The following ADCY8 variants were observed in gnomAD, a reference collection of about 807,000 sequenced individuals.
ADCY8 encodes the protein adenylate cyclase type 8.
A neutral mutation model predicts 119.7 loss-of-function variants in ADCY8; 51 were observed. That is an observed-to-expected ratio of 0.43 (90% CI 0.34 to 0.54). The LOEUF (loss-of-function observed/expected upper bound fraction) is 0.54, where lower values mean the gene tolerates loss of function less well. Among genes scored for constraint, ADCY8 ranks in the 20% least tolerant of loss-of-function variants. ADCY8 has a pLI of 0.03. For synonymous variants in ADCY8, 665 were observed against 651.0 expected (o/e 1.02, Z -0.33); for missense variants, 1,383 against 1,598.8 (o/e 0.87, Z 2.30).
intron 15 of ADCY8, among the ~76,000 whole-genome samples, chr8:130,786,309 T>C (rs1815246711): frequency 6.6e-6 from 1 of 152,176 alleles, no homozygotes; most frequent in African/African-American, 2.4e-5. Flanking sequence ...TCCTGGGACA[T>C]TTCCTTTACC....
Position 131,040,483 on chromosome 8 carries a change from C to T in ADCY8, c.-150G>A. The T allele has an allele frequency of 3.0e-6, 3 of 1,002,848 alleles. No homozygotes were observed. The highest frequency in any genetic ancestry group is 3.1e-5 in the East Asian group (1 of 32,566). The allele number at this position is 1,002,848 out of a possible 1,614,324, so 62.1% of individuals were successfully genotyped here. On this transcript the variant is annotated 5_prime_UTR_variant, in exon 1 of 18. Transcript: ENST00000286355. Reference sequence around the variant, plus strand: ...TTGCAGGAGCCCTGCGCTAGGGCTCCCTGTAGGTCGGGTCATACTGTGCCC... The same window carrying T: ...TTGCAGGAGCCCTGCGCTAGGGCTCTCTGTAGGTCGGGTCATACTGTGCCC...
At chr8:130,910,048 G>A (rs1246167868) in intron 5 of ADCY8, among the ~76,000 whole-genome samples, 182 bp from the exon 6 acceptor site, 1 of 150,146 alleles carries the variant, frequency 6.7e-6, no homozygotes, top group Non-Finnish European at 1.5e-5. Flanking sequence ...CCTCAGCCTT[G>A]ATGGTCTCGA....
chr8:130,937,620 C>T (rs1820827333), intron 4 of ADCY8, among the ~76,000 whole-genome samples: 1 of 152,196 alleles, frequency 6.6e-6, no homozygotes, highest in Non-Finnish European at 1.5e-5. Flanking sequence ...ATAGTAAGCA[C>T]TTAAAAATGT....
chr8:130,807,983 C>CAAAAAAAAAAAAAAAAA (rs752321769), intron 14 of ADCY8, among the ~76,000 whole-genome samples: 1 of 47,238 alleles, frequency 2.1e-5, no homozygotes, highest in East Asian at 1.9e-3. Flanking sequence ...GACTCCGTCT[C>CAAAAAAAAAAAAAAAAA]AAAAAAAAAA....
At chr8:130,809,325 C>T (rs558317878) in intron 14 of ADCY8, among the ~76,000 whole-genome samples, 2 of 152,284 alleles carry the variant, frequency 1.3e-5, no homozygotes, top group East Asian at 3.9e-4. Flanking sequence ...TCAGTTTCTT[C>T]ATCTAGAAAA....
intron 14 of ADCY8, among the ~76,000 whole-genome samples, chr8:130,805,330 T>C (rs1815912941): frequency 6.6e-6 from 1 of 152,164 alleles, no homozygotes; most frequent in South Asian, 2.1e-4. Context: ...GAGCTGAAAT[T>C]TGTACTGCTA....
intron 17 of ADCY8, among the ~76,000 whole-genome samples, chr8:130,781,786 A>G (rs1325340954): frequency 6.6e-6 from 1 of 152,208 alleles, no homozygotes; most frequent in African/African-American, 2.4e-5. Context: ...GGAAGCATAG[A>G]ATTCTAGAAA....
chr8:130,910,743 C>T (rs547930191), intron 5 of ADCY8, among the ~76,000 whole-genome samples: 78 of 152,262 alleles, frequency 5.1e-4, no homozygotes, highest in Middle Eastern at 6.8e-3. Context: ...TCTGGTCATC[C>T]TCTGACTGTA....
intron 2 of ADCY8, 51 bp from the exon 3 acceptor site, chr8:130,952,049 G>T: frequency 6.2e-7 from 1 of 1,605,108 alleles, no homozygotes; most frequent in Non-Finnish European, 8.5e-7. Context: ...GCGAGTCTCA[G>T]ATGGGAGGGT....
At chr8:130,834,669 A>G (rs931416763) in intron 12 of ADCY8, among the ~76,000 whole-genome samples, 2 of 152,208 alleles carry the variant, frequency 1.3e-5, no homozygotes, top group Admixed American at 6.5e-5. Flanking sequence ...GTGTTATTTC[A>G]TATGTACAGA....
At chr8:130,964,553 T>C (rs1821704592) in intron 2 of ADCY8, among the ~76,000 whole-genome samples, 1 of 152,166 alleles carries the variant, frequency 6.6e-6, no homozygotes, top group South Asian at 2.1e-4. Flanking sequence ...GCTAAAACAA[T>C]GACACTAAAT....
At chr8:130,783,619 C>A in intron 17 of ADCY8, 72 bp downstream of exon 17, 1 of 1,091,638 alleles carries the variant, frequency 9.2e-7, no homozygotes. Context: ...GGATTGATGC[C>A]CAAGGCAGGG....
At chr8:130,858,856 T>G (rs1482684591) in intron 9 of ADCY8, among the ~76,000 whole-genome samples, 1 of 152,128 alleles carries the variant, frequency 6.6e-6, no homozygotes, top group Non-Finnish European at 1.5e-5. Flanking sequence ...GGGGCTCTTT[T>G]GTTGGTTCCT....
At chr8:131,035,863 G>T (rs1017486068) in intron 1 of ADCY8, among the ~76,000 whole-genome samples, 1 of 152,170 alleles carries the variant, frequency 6.6e-6, no homozygotes, top group Non-Finnish European at 1.5e-5. Context: ...TGCTATTCCA[G>T]TGTTTATGGC....
At chr8:130,868,583 T>A (rs1818213322) in intron 8 of ADCY8, among the ~76,000 whole-genome samples, 1 of 152,196 alleles carries the variant, frequency 6.6e-6, no homozygotes. Context: ...TTTAAAAGCT[T>A]CTAGAAGGTC....
At chr8:130,936,930 A>G in intron 5 of ADCY8, 143 bp downstream of exon 5, 1 of 1,004,104 alleles carries the variant, frequency 1.0e-6, no homozygotes, top group Middle Eastern at 2.2e-4. Flanking sequence ...ATATGGGAGA[A>G]CTAAGGGGCA....
chr8:130,831,890 T>C (rs1816846123), intron 12 of ADCY8, among the ~76,000 whole-genome samples: 1 of 152,192 alleles, frequency 6.6e-6, no homozygotes, highest in Non-Finnish European at 1.5e-5. Flanking sequence ...ATAACAAACA[T>C]TAGCACATAT....
chr8:130,950,196 G>A (rs1400815228), intron 3 of ADCY8, among the ~76,000 whole-genome samples: 2 of 152,172 alleles, frequency 1.3e-5, no homozygotes, highest in African/African-American at 4.8e-5. Context: ...GTTTGGGAAA[G>A]TTTTACCTTA....
intron 1 of ADCY8, among the ~76,000 whole-genome samples, chr8:130,993,499 A>G (rs1342187834): frequency 7.2e-5 from 11 of 152,200 alleles, no homozygotes; most frequent in Non-Finnish European, 5.9e-5. Context: ...GTCCCTACCA[A>G]AATCTCATCT....
Sources: allele counts gnomAD v4.1 joint callset (sites outside exome capture counted in the v4.1 genomes callset), GRCh38; gene constraint gnomAD v4.1.1; transcripts MANE v1.5; gene names NCBI Gene and HGNC (gene_info 2026-07-23, HGNC 2026-07-21).